BTBD16: variants seen among roughly 807,000 people sequenced by gnomAD.
The protein encoded by BTBD16 is BTB/POZ domain-containing protein 16.
In BTBD16, 66 loss-of-function variants were observed where a neutral mutation model predicts 67.4. That is an observed-to-expected ratio of 0.98 (90% CI 0.80 to 1.20). The LOEUF is 1.20. BTBD16 is among the 50% of genes most tolerant of loss of function. The probability of loss-of-function intolerance (pLI) is 0.00; values close to 1 mark genes in which losing one functional copy is unlikely to be tolerated. For synonymous variants in BTBD16, 242 were observed against 236.4 expected, an observed-to-expected ratio of 1.02 and a Z score of -0.22; for missense variants, 634 against 616.0, an observed-to-expected ratio of 1.03 and a Z score of -0.31.
At chr10:122,332,651 C>A in intron 13 of BTBD16, 138 bp downstream of exon 13, 1 of 1,047,074 alleles carries the variant, frequency 9.6e-7, no homozygotes, top group Non-Finnish European at 1.4e-6. Flanking sequence ...ACAGGTGTCT[C>A]TCCTGCATGG....
intron 1 of BTBD16, among the ~76,000 whole-genome samples, chr10:122,272,352 T>G (rs982264608): frequency 2.1e-4 from 32 of 152,244 alleles, no homozygotes; most frequent in Middle Eastern, 3.4e-3. Context: ...CTTTTTTCTT[T>G]CCCCTCGAGA....
intron 10 of BTBD16, among the ~76,000 whole-genome samples, chr10:122,322,220 T>A (rs12763004): frequency 0.063 from 9,574 of 152,316 alleles, 365 homozygotes; most frequent in Middle Eastern, 0.088. Context: ...TTCCTTCTAC[T>A]TTCTTCAAGA....
intron 10 of BTBD16, among the ~76,000 whole-genome samples, chr10:122,317,036 G>C (rs182744707): frequency 6.6e-5 from 10 of 152,092 alleles, no homozygotes; most frequent in Non-Finnish European, 1.3e-4. Context: ...TGATCCACCC[G>C]CCTTGGCCTC....
intron 7 of BTBD16, chr10:122,294,234 G>C (rs1385732265): frequency 2.5e-5 from 25 of 985,030 alleles, no homozygotes; most frequent in Non-Finnish European, 2.5e-5. Context: ...ATACATGTGT[G>C]TTTGTGTGTC....
chr10:122,334,648 A>C (rs2096460611), intron 13 of BTBD16, among the ~76,000 whole-genome samples: 1 of 147,812 alleles, frequency 6.8e-6, no homozygotes, highest in Non-Finnish European at 1.5e-5. Flanking sequence ...CTGGGACTAC[A>C]GGCACGCACC....
At chr10:122,287,171 A>G (rs968034380) in intron 5 of BTBD16, among the ~76,000 whole-genome samples, 1 of 152,136 alleles carries the variant, frequency 6.6e-6, no homozygotes, top group African/African-American at 2.4e-5. Context: ...CAGAACTGCA[A>G]CAAGCTTGGT....
At chr10:122,328,438 G>A (rs2096449145) in intron 10 of BTBD16, among the ~76,000 whole-genome samples, 1 of 152,132 alleles carries the variant, frequency 6.6e-6, no homozygotes, top group South Asian at 2.1e-4. Context: ...GCACCTCTAG[G>A]CCTATCTTCT....
At chr10:122,327,628 C>T (rs1421251372) in intron 10 of BTBD16, 1 of 985,294 alleles carries the variant, frequency 1.0e-6, no homozygotes, top group African/African-American at 1.7e-5. Flanking sequence ...ATGTCATCCA[C>T]AAAAGTGGGC....
intron 10 of BTBD16, among the ~76,000 whole-genome samples, chr10:122,316,182 G>T (rs1024079941): frequency 1.3e-5 from 2 of 152,096 alleles, no homozygotes; most frequent in African/African-American, 4.8e-5. Context: ...CAAGAGAATC[G>T]CTTGAACCTG....
chr10:122,315,573 G>A (rs1395476426), intron 10 of BTBD16, among the ~76,000 whole-genome samples: 7 of 152,108 alleles, frequency 4.6e-5, no homozygotes, highest in Non-Finnish European at 8.8e-5. Flanking sequence ...GAAGAGTTTG[G>A]GAGAGACTGC....
intron 5 of BTBD16, among the ~76,000 whole-genome samples, chr10:122,289,538 A>C (rs1281468312): frequency 2.6e-5 from 4 of 152,192 alleles, no homozygotes; most frequent in Admixed American, 2.6e-4. Flanking sequence ...CAGGAGTTCG[A>C]GACCAGCCTG....
intron 5 of BTBD16, among the ~76,000 whole-genome samples, chr10:122,288,164 A>G (rs1472810215): frequency 6.6e-6 from 1 of 152,200 alleles, no homozygotes; most frequent in Non-Finnish European, 1.5e-5. Context: ...ATTGTGACAC[A>G]TTGTAATATT....
At chr10:122,277,404 C>T (rs1404115094) in intron 3 of BTBD16, among the ~76,000 whole-genome samples, 1 of 152,172 alleles carries the variant, frequency 6.6e-6, no homozygotes, top group Admixed American at 6.5e-5. Context: ...TCTTGCCTCT[C>T]CTGGAAACAC....
chr10:122,324,658 T>G (rs1323317663), intron 10 of BTBD16, among the ~76,000 whole-genome samples: 15 of 152,138 alleles, frequency 9.9e-5, no homozygotes, highest in Admixed American at 9.8e-4. Context: ...TCAAGAGGAT[T>G]TCTCATTATC....
At chr10:122,298,873 A>C (rs979211836) in intron 8 of BTBD16, 131 bp from the exon 9 acceptor site, 12 of 1,174,004 alleles carry the variant, frequency 1.0e-5, no homozygotes, top group African/African-American at 4.6e-5. Flanking sequence ...TAATTCATGT[A>C]TTTTGTAGAA....
chr10:122,313,543 A>G (rs751135117), intron 10 of BTBD16, among the ~76,000 whole-genome samples: 13 of 152,032 alleles, frequency 8.6e-5, no homozygotes, highest in Non-Finnish European at 1.5e-4. Context: ...GATTACAGGC[A>G]TGAGCCACTG....
intron 7 of BTBD16, among the ~76,000 whole-genome samples, chr10:122,297,070 A>G (rs1329795168): frequency 6.6e-6 from 1 of 152,172 alleles, no homozygotes; most frequent in African/African-American, 2.4e-5. Flanking sequence ...ATTTAACCAC[A>G]CTAGGCTGAA....
intron 7 of BTBD16, chr10:122,291,422 A>G: frequency 2.2e-6 from 1 of 454,110 alleles, no homozygotes; most frequent in East Asian, 3.8e-5. Flanking sequence ...TTCTCGACTC[A>G]CAGGAATGAA....
At chr10:122,328,200 T>A (rs1281783905) in intron 10 of BTBD16, among the ~76,000 whole-genome samples, 2 of 152,216 alleles carry the variant, frequency 1.3e-5, no homozygotes. Flanking sequence ...CCCACGAAGA[T>A]GTCAGTGTTT....
Sources: gnomAD v4.1 joint callset for allele counts (sites outside exome capture counted in the v4.1 genomes callset) on GRCh38, gnomAD v4.1.1 for gene constraint, MANE v1.5 for transcripts, NCBI Gene and HGNC (gene_info 2026-07-23, HGNC 2026-07-21) for gene names.